The following GSE1 variants were observed in gnomAD, a reference collection of about 807,000 sequenced individuals.
GSE1 encodes the protein Gse1 coiled-coil protein.
In GSE1, 32 loss-of-function variants were observed where a neutral mutation model predicts 112.6. The ratio of observed to expected loss-of-function variants is 0.28; its 90% CI spans 0.21 to 0.38. The LOEUF (loss-of-function observed/expected upper bound fraction) is 0.38. Among genes scored for constraint, GSE1 ranks in the 10% least tolerant of loss-of-function variants. The pLI, the probability that GSE1 is intolerant of heterozygous loss-of-function variation, is 1.00. For missense variants in GSE1, 2,348 were observed against 1,699.2 expected (o/e 1.38, Z -6.71); for synonymous variants, 1,115 against 735.6 (o/e 1.52, Z -8.35).
chr16:85,385,808 G>A (rs2047675981), intron 2 of GSE1, among the ~76,000 whole-genome samples: 1 of 152,208 alleles, frequency 6.6e-6, no homozygotes, highest in African/African-American at 2.4e-5. Context: ...ACAGGGGGAG[G>A]GGAGCCATTA....
chr16:85,600,109 G>T (rs557944163), intron 1 of GSE1, among the ~76,000 whole-genome samples: 1 of 152,334 alleles, frequency 6.6e-6, no homozygotes, highest in East Asian at 1.9e-4. Flanking sequence ...AGAGAGACAC[G>T]GGGTCCTTCC....
intron 1 of GSE1, among the ~76,000 whole-genome samples, chr16:85,331,481 GTGTATATA>G (rs1385246531): frequency 3.5e-4 from 44 of 125,580 alleles, no homozygotes; most frequent in African/African-American, 1.1e-3. Flanking sequence ...ATGTATATAT[GTGTATATA>G]TGTGTATATG....
rs752169202 is a variant in GSE1 at position 85,634,098 on chromosome 16, G to A, written c.192G>A (p.Leu64=). The stretch of plus-strand genomic sequence containing the variant: ...CATCCTCCAGCTTTGCCGCCGCGCT[G>A]CGCAAGCTCGCCAAACAGGCGGAGG... The part of the protein sequence containing the change: ...AAPSSSFAAA[L]RKLAKQAEEP... Residue 64 remains leucine (L), a synonymous_variant, in exon 2 of 16, where the codon CTG becomes CTA. Coordinates refer to ENST00000253458, the MANE Select transcript of GSE1 (RefSeq NM_014615.5). 5.7e-6 allele frequency: 9 copies of A among 1,576,438 alleles called. No individual in the cohort carries two copies. The highest frequency in any genetic ancestry group is 1.4e-5 in the African/African-American group (1 of 73,376).
At position 85,674,434 on chromosome 16, in the gene GSE1, G is replaced by A. The variant is rs559568353; in HGVS notation, c.*1895G>A. 4.0e-5 allele frequency: 6 copies of A among 150,620 alleles called. No homozygotes were observed. Among genetic ancestry groups the A allele is most frequent in the African/African-American group, 1.2e-4 (5 of 40,242 alleles). 9.3% of individuals were successfully genotyped at this position (150,620 alleles called of 1,614,324 possible). Reference sequence around the variant, plus strand: ...GGGGCTGTGCTGCAGGCCTCCCCTCGAAAGACACTGGGAGGTCAGCATGTT... The same window carrying A: ...GGGGCTGTGCTGCAGGCCTCCCCTCAAAAGACACTGGGAGGTCAGCATGTT... On this transcript the variant is annotated 3_prime_UTR_variant, in exon 16 of 16. Coordinates refer to ENST00000253458, the MANE Select transcript of GSE1 (RefSeq NM_014615.5).
At chr16:85,187,898 C>T (rs1197732826) in intron 1 of GSE1, among the ~76,000 whole-genome samples, 1 of 152,244 alleles carries the variant, frequency 6.6e-6, no homozygotes. Context: ...CACTCAAAGG[C>T]CGTGGGAATG....
At chr16:85,505,633 A>T (rs1485842361) in intron 2 of GSE1, among the ~76,000 whole-genome samples, 1 of 152,160 alleles carries the variant, frequency 6.6e-6, no homozygotes, top group African/African-American at 2.4e-5. Context: ...CGGGGGGCAC[A>T]TGCTCAGGGT....
intron 8 of GSE1, among the ~76,000 whole-genome samples, chr16:85,658,334 G>A (rs2052146416): frequency 6.6e-6 from 1 of 152,304 alleles, no homozygotes; most frequent in East Asian, 1.9e-4. Context: ...CCATAGCTCT[G>A]CTCCAGGCCC....
chr16:85,266,884 G>A (rs574057185), intron 1 of GSE1, among the ~76,000 whole-genome samples: 3 of 152,258 alleles, frequency 2.0e-5, no homozygotes, highest in Middle Eastern at 3.4e-3. Context: ...CGACCTCCAC[G>A]TCCTGTGCTC....
At chr16:85,171,238 T>G (rs1361736015) in exon 1 of GSE1, 1 of 985,600 alleles carries the variant, frequency 1.0e-6, no homozygotes, top group Non-Finnish European at 1.2e-6. Flanking sequence ...CCAGGCCTTC[T>G]CCGCCTCCGA....
intron 1 of GSE1, among the ~76,000 whole-genome samples, chr16:85,258,361 T>G (rs1907303305): frequency 6.6e-6 from 1 of 152,182 alleles, no homozygotes; most frequent in African/African-American, 2.4e-5. Context: ...CCCCTGGGAC[T>G]CCCTTCCTGA....
chr16:85,180,818 G>C (rs2074567945), intron 1 of GSE1, among the ~76,000 whole-genome samples: 1 of 152,116 alleles, frequency 6.6e-6, no homozygotes, highest in African/African-American at 2.4e-5. Context: ...CTGGAGAAGG[G>C]GTATCCGATG....
At chr16:85,355,084 T>C (rs541208476) in intron 1 of GSE1, among the ~76,000 whole-genome samples, 2 of 152,284 alleles carry the variant, frequency 1.3e-5, no homozygotes, top group South Asian at 4.1e-4. Flanking sequence ...ATGGATCCCA[T>C]AAATTAAAGC....
intron 2 of GSE1, among the ~76,000 whole-genome samples, chr16:85,494,370 C>A (rs900216192): frequency 1.6e-4 from 24 of 152,094 alleles, no homozygotes; most frequent in Non-Finnish European, 3.2e-4. Context: ...TCATGTTGGA[C>A]TTGGGGCCCA....
chr16:85,244,948 G>A (rs1466035314), intron 1 of GSE1, among the ~76,000 whole-genome samples: 2 of 149,968 alleles, frequency 1.3e-5, no homozygotes, highest in Admixed American at 6.7e-5. Flanking sequence ...CTGAGATCGT[G>A]CCACTGTACT....
chr16:85,675,060 T>G lies in GSE1; in HGVS notation c.*2521T>G, dbSNP rs182195742. 6.6e-6 allele frequency: 1 copy of G among 152,368 alleles called. No homozygotes were observed. The highest frequency in any genetic ancestry group is 1.5e-5 in the Non-Finnish European group (1 of 68,036). 9.4% of individuals were successfully genotyped at this position (152,368 alleles called of 1,614,324 possible). ...ATGGTTTCCCCATCCAACTATTAGT[T>G]TCATACTTTGAAAACTTACTTTCAG... On this transcript the variant is annotated 3_prime_UTR_variant, in exon 16 of 16. Coordinates refer to ENST00000253458, the MANE Select transcript of GSE1 (RefSeq NM_014615.5).
chr16:85,385,905 T>TGTG (rs1249633238), intron 2 of GSE1, among the ~76,000 whole-genome samples: 1 of 151,996 alleles, frequency 6.6e-6, no homozygotes, highest in African/African-American at 2.4e-5. Context: ...TGAACCTGGG[T>TGTG]GTGGGCTAGA....
chr16:85,338,089 G>A (rs181167785), intron 1 of GSE1, among the ~76,000 whole-genome samples: 3 of 152,190 alleles, frequency 2.0e-5, no homozygotes, highest in Non-Finnish European at 2.9e-5. Context: ...GGCCCTGCTC[G>A]TCCTGCTCTT....
At chr16:85,216,161 G>A (rs528454621) in intron 1 of GSE1, among the ~76,000 whole-genome samples, 8 of 152,310 alleles carry the variant, frequency 5.3e-5, no homozygotes, top group African/African-American at 1.4e-4. Context: ...CCATCATTCC[G>A]ACCCCTTAAA....
chr16:85,292,639 C>T (rs1463343905), intron 1 of GSE1, among the ~76,000 whole-genome samples: 1 of 150,854 alleles, frequency 6.6e-6, no homozygotes, highest in Non-Finnish European at 1.5e-5. Context: ...ATTTTTGTAT[C>T]TTTAGAGATG....
Sources: gnomAD v4.1 joint callset for allele counts (sites outside exome capture counted in the v4.1 genomes callset) on GRCh38, gnomAD v4.1.1 for gene constraint, MANE v1.5 for transcripts, NCBI Gene and HGNC (gene_info 2026-07-23, HGNC 2026-07-21) for gene names.